The following OPCML variants were observed in gnomAD, a reference collection of about 807,000 sequenced individuals.
OPCML encodes the protein opioid binding protein/cell adhesion molecule like.
OPCML carries 13 observed loss-of-function variants against 37.8 expected under a neutral mutation model. The ratio of observed to expected loss-of-function variants is 0.34; its 90% CI spans 0.22 to 0.55. The LOEUF (loss-of-function observed/expected upper bound fraction) is 0.55, where lower values mean the gene tolerates loss of function less well. Ranked by LOEUF, OPCML falls within the 20% of genes least tolerant of loss-of-function variation. The probability of loss-of-function intolerance (pLI) is 0.91; values close to 1 mark genes in which losing one functional copy is unlikely to be tolerated. For synonymous variants in OPCML, 176 were observed against 168.8 expected, an observed-to-expected ratio of 1.04 and a Z score of -0.33; for missense variants, 341 against 435.6, an observed-to-expected ratio of 0.78 and a Z score of 1.93.
rs993190080 is a variant in OPCML at position 133,177,245 on chromosome 11, G to T, written c.62-234235C>A. Among the ~76,000 whole-genome samples, 1 of 152,178 alleles carries T rather than the reference G, an allele frequency of 6.6e-6. No homozygotes were observed. The highest frequency in any genetic ancestry group is 2.4e-5 in the African/African-American group (1 of 41,436). On this transcript the variant is annotated intron_variant, in intron 1 of 7. Transcript: ENST00000524381. This position sits in a 1 kb window ranked among gnomAD's most constrained non-coding sequence, Gnocchi z 5.0. ...GTTGATAGCGTCTGATCCAAGCAGG[G>T]GCTAGATGCAGACCTATCAGAGATC...
intron 1 of OPCML, among the ~76,000 whole-genome samples, chr11:133,343,513 T>C (rs1407163144): frequency 1.3e-5 from 2 of 152,158 alleles, no homozygotes; most frequent in Non-Finnish European, 2.9e-5. Context: ...ACCACACAAT[T>C]TGACTCTCAG....
In OPCML at chr11:132,420,027, G is replaced by T; in HGVS notation, c.*166C>A. On this transcript the variant is annotated 3_prime_UTR_variant, in exon 8 of 8. Transcript: ENST00000524381. ...CCCGCCCCCAACCCCACTCATTCAA[G>T]CTGGAAATAAAAGCAAACAAACAAA... 3.9e-6 allele frequency: 1 copy of T among 254,274 alleles called. No homozygotes were observed. 15.8% of individuals were successfully genotyped at this position (254,274 alleles called of 1,614,324 possible). A position where few individuals can be genotyped will look rare whatever the true frequency, so the allele number is the denominator to read the frequency against.
chr11:132,915,015 C>T (rs1462896683), intron 2 of OPCML, among the ~76,000 whole-genome samples: 1 of 152,208 alleles, frequency 6.6e-6, no homozygotes, highest in African/African-American at 2.4e-5. Flanking sequence ...TTGTTCTTCT[C>T]TTTATGTTAT....
At chr11:133,094,147 G>C (rs924826073) in intron 1 of OPCML, among the ~76,000 whole-genome samples, 3 of 152,122 alleles carry the variant, frequency 2.0e-5, no homozygotes, top group East Asian at 3.8e-4. Flanking sequence ...TTATGTACCT[G>C]TACTGAGTGA....
At chr11:133,217,169 A>C (rs1939619312) in intron 1 of OPCML, among the ~76,000 whole-genome samples, 2 of 152,130 alleles carry the variant, frequency 1.3e-5, no homozygotes, top group African/African-American at 4.8e-5. Flanking sequence ...CACTCACACT[A>C]GACCCCCCAT....
At chr11:132,802,894 C>T (rs1481523056) in intron 2 of OPCML, among the ~76,000 whole-genome samples, 1 of 152,150 alleles carries the variant, frequency 6.6e-6, no homozygotes, top group Non-Finnish European at 1.5e-5. Context: ...TCCCCATCCT[C>T]TTTGGAAAAT....
chr11:132,641,760 C>T (rs1056739641), intron 3 of OPCML, among the ~76,000 whole-genome samples: 5 of 152,092 alleles, frequency 3.3e-5, no homozygotes, highest in African/African-American at 9.7e-5. Context: ...CTTTGATTTT[C>T]CTGTCCCCTC....
chr11:132,867,565 T>C (rs140552404), intron 2 of OPCML, among the ~76,000 whole-genome samples: 35 of 152,318 alleles, frequency 2.3e-4, no homozygotes, highest in African/African-American at 8.4e-4. Flanking sequence ...TTTATGGAAG[T>C]AGCTGAAAAT....
intron 1 of OPCML, chr11:133,301,702 C>T (rs1942782750): frequency 6.6e-6 from 1 of 151,994 alleles, no homozygotes; most frequent in African/African-American, 2.4e-5. Flanking sequence ...AGGTAGTGTA[C>T]CTGGACTCCT....
intron 7 of OPCML, among the ~76,000 whole-genome samples, chr11:132,431,621 G>A (rs1018725868): frequency 2.6e-5 from 4 of 152,182 alleles, no homozygotes; most frequent in Admixed American, 2.0e-4. Context: ...TCACTCACAC[G>A]TTTCTAGTCA....
chr11:132,501,793 A>C (rs1227049995), intron 4 of OPCML, among the ~76,000 whole-genome samples: 1 of 152,226 alleles, frequency 6.6e-6, no homozygotes, highest in Non-Finnish European at 1.5e-5. Context: ...GATTTTAACA[A>C]ATTTCTAGCT....
chr11:132,952,780 G>A (rs7125675), intron 1 of OPCML, among the ~76,000 whole-genome samples: 18,780 of 152,114 alleles, frequency 0.12, 1,457 homozygotes, highest in African/African-American at 0.21. Context: ...GGCTGTGAGC[G>A]CGGTGATGCA....
intron 4 of OPCML, among the ~76,000 whole-genome samples, chr11:132,526,319 TATATA>T (rs879730839): frequency 1.7e-4 from 26 of 152,216 alleles, no homozygotes; most frequent in South Asian, 4.1e-4. Context: ...CATAGTTTTG[TATATA>T]ATATAAATCC....
intron 2 of OPCML, among the ~76,000 whole-genome samples, chr11:132,793,317 C>G (rs1000303901): frequency 2.6e-5 from 4 of 152,158 alleles, no homozygotes. Context: ...GGAATCCATC[C>G]GCAGAAATTA....
intron 3 of OPCML, among the ~76,000 whole-genome samples, chr11:132,629,638 T>C (rs745789441): frequency 3.3e-5 from 5 of 152,202 alleles, no homozygotes; most frequent in Non-Finnish European, 5.9e-5. Flanking sequence ...AATGATTTTT[T>C]GCTTTATTTT....
rs536714588 is a variant in OPCML, at chr11:132,656,282, T to C, written c.379+805A>G. ...AAAATGGTTCTCAAATTCTTGGAAC[T>C]GCTATCTGCATGTGTTTTTAATTCT... On this transcript the variant is annotated intron_variant, in intron 3 of 7. Coordinates refer to ENST00000524381, the MANE Select transcript of OPCML (RefSeq NM_001012393.5). Among the ~76,000 whole-genome samples the C allele has an allele frequency of 1.2e-3, 176 of 152,358 alleles. 1 individual carries two copies. Among genetic ancestry groups the C allele is most frequent in the Non-Finnish European group, 2.2e-3 (150 of 68,030 alleles).
chr11:133,399,273 T>C (rs1482313453), intron 1 of OPCML, among the ~76,000 whole-genome samples: 1 of 152,200 alleles, frequency 6.6e-6, no homozygotes, highest in African/African-American at 2.4e-5. Context: ...TGATGACGCG[T>C]GGTGGCTTTT....
At chr11:133,340,319 T>G (rs1027463921) in intron 1 of OPCML, among the ~76,000 whole-genome samples, 1 of 152,150 alleles carries the variant, frequency 6.6e-6, no homozygotes, top group Non-Finnish European at 1.5e-5. Flanking sequence ...TGATTAGAAA[T>G]GCACTTCCCA....
chr11:132,777,533 G>T (rs1045201677), intron 2 of OPCML, among the ~76,000 whole-genome samples: 2 of 152,178 alleles, frequency 1.3e-5, no homozygotes, highest in Non-Finnish European at 2.9e-5. Context: ...CTTTGCCTCT[G>T]CTCACCCACG....
Sources: gnomAD v4.1 joint callset for allele counts (sites outside exome capture counted in the v4.1 genomes callset) on GRCh38, gnomAD v4.1.1 for gene constraint, Gnocchi (gnomAD v3.1) non-coding constraint, MANE v1.5 for transcripts, NCBI Gene and HGNC (gene_info 2026-07-23, HGNC 2026-07-21) for gene names.